Variants in IRF6 observed in about 807,000 individuals in gnomAD.
The protein encoded by IRF6 is Van der Woude syndrome.
A neutral mutation model predicts 51.4 loss-of-function variants in IRF6; 6 were observed. That is an observed-to-expected ratio of 0.12 (90% confidence interval 0.06 to 0.23). The LOEUF (loss-of-function observed/expected upper bound fraction) is 0.23, where lower values mean the gene tolerates loss of function less well. Among genes scored for constraint, IRF6 ranks in the 10% least tolerant of loss-of-function variants. The pLI is 1.00. For missense variants in IRF6, 348 were observed against 585.2 expected (o/e 0.59, Z 4.18); for synonymous variants, 178 against 215.7 (o/e 0.83, Z 1.53).
intron 6 of IRF6, among the ~76,000 whole-genome samples, chr1:209,791,544 T>G (rs2077869191): frequency 6.6e-6 from 1 of 152,192 alleles, no homozygotes; most frequent in African/African-American, 2.4e-5. Context: ...TTGAGATAAA[T>G]TCGTACCAAA....
Position 209,790,535 on chromosome 1 carries a change from T to C in IRF6, c.1020A>G (p.Gln340=), listed in dbSNP as rs768282175. The C allele has an allele frequency of 3.6e-5, 58 of 1,614,114 alleles. No homozygotes were observed. The highest frequency in any genetic ancestry group is 4.7e-5 in the Non-Finnish European group (56 of 1,180,048). Residue 340 remains glutamine (Q), a synonymous_variant, in exon 7 of 9, where the codon CAA becomes CAG. Coordinates refer to ENST00000367021, the MANE Select transcript of IRF6 (RefSeq NM_006147.4). The surrounding 1 kb of genome is among the most constrained non-coding windows in gnomAD (Gnocchi z 4.8). ...CCAGACAAAATAGCTTGACCTTCTT[T>C]TGTCTCTCAATCAGGTTGGGAGCAA... is the stretch of plus-strand genomic sequence containing the variant. ...SLVAPNLIER[Q]KKVKLFCLET... is the part of the protein sequence containing the mutation.
chr1:209,789,576 G>A, intron 8 of IRF6, 91 bp downstream of exon 8: 1 of 901,794 alleles, frequency 1.1e-6, no homozygotes, highest in East Asian at 2.4e-5. Context: ...TACATGGGCT[G>A]ATGGATGCTT....
intron 1 of IRF6, among the ~76,000 whole-genome samples, chr1:209,803,888 T>C (rs2077958591): frequency 6.6e-6 from 1 of 151,320 alleles, no homozygotes; most frequent in Non-Finnish European, 1.5e-5. Flanking sequence ...GGAAACAGCA[T>C]ACAACTTGAC....
Position 209,792,431 on chromosome 1 carries a change from A to C in IRF6, c.509-4T>G. On this transcript the variant is annotated splice_polypyrimidine_tract_variant and splice_region_variant and intron_variant, in intron 5 of 8. Transcript: ENST00000367021. ...CTGGCTGGCGCCATGGGAGAACCTA[A>C]AACAAAAGCATATGGTGAGCAGACA... 6.2e-7 allele frequency: 1 copy of C among 1,613,812 alleles called. No individual in the cohort carries two copies. The highest frequency in any genetic ancestry group is 1.1e-5 in the South Asian group (1 of 91,082).
chr1:209,789,565 C>A, intron 8 of IRF6, 102 bp downstream of exon 8: 3 of 853,094 alleles, frequency 3.5e-6, no homozygotes, highest in Middle Eastern at 2.2e-4. Flanking sequence ...AGACTGAAAC[C>A]TACATGGGCT....
chr1:209,800,349 T>G (rs1007518627), intron 3 of IRF6, among the ~76,000 whole-genome samples: 1 of 152,238 alleles, frequency 6.6e-6, no homozygotes, highest in African/African-American at 2.4e-5. Context: ...ATAAAATGAC[T>G]GTCATATCAG....
intron 1 of IRF6, among the ~76,000 whole-genome samples, chr1:209,805,045 G>A (rs529654309): frequency 6.6e-6 from 1 of 152,178 alleles, no homozygotes; most frequent in East Asian, 1.9e-4. Flanking sequence ...TGGAAGCTGG[G>A]GGATGGCGAA....
At chr1:209,805,723 C>G (rs369613691) in intron 1 of IRF6, among the ~76,000 whole-genome samples, 1 of 152,114 alleles carries the variant, frequency 6.6e-6, no homozygotes, top group East Asian at 1.9e-4. Flanking sequence ...AGAGTAGACA[C>G]AAGTGTAGAT....
At chr1:209,793,332 T>C (rs1390025551) in intron 5 of IRF6, 2 of 152,208 alleles carry the variant, frequency 1.3e-5, no homozygotes, top group Non-Finnish European at 2.9e-5. Flanking sequence ...GTTTTTAGTA[T>C]CTATTCTACA....
At chr1:209,805,037 G>A (rs1233313999) in intron 1 of IRF6, among the ~76,000 whole-genome samples, 2 of 152,122 alleles carry the variant, frequency 1.3e-5, no homozygotes, top group East Asian at 1.9e-4. Flanking sequence ...CTGCTGGATG[G>A]AAGCTGGGGG....
rs1571982746 is a variant in IRF6, at chr1:209,795,486, C to T, written c.380-68G>A. 3 of 1,607,178 alleles carry T rather than the reference C, an allele frequency of 1.9e-6. No individual in the cohort carries two copies. In the East Asian group the frequency reaches 6.7e-5, roughly 36 times the overall value. On this transcript the variant is annotated intron_variant, in intron 4 of 8. Coordinates refer to ENST00000367021, the MANE Select transcript of IRF6 (RefSeq NM_006147.4). ...CACTGCCACCCCTGCAGCTGACCCA[C>T]CATTCAAGCTAGGGACTGCTAGCCC...
chr1:209,792,539 C>T (rs1023874430), intron 5 of IRF6, 112 bp from the exon 6 acceptor site: 36 of 1,120,920 alleles, frequency 3.2e-5, no homozygotes, highest in Non-Finnish European at 4.2e-5. Context: ...TGAACCCTGA[C>T]CCAGTGTGAT....
At position 209,792,385 on chromosome 1, in the gene IRF6, C is replaced by T; in HGVS notation, c.551G>A (p.Gly184Asp). ...CCACACTGCCTCCGGGCTGCAGTTG[C>T]CCACACTGCAATTGCCCACACTGGC... ...APASVGNCSV[G>D]NCSPEAVWPK... Residue 184 changes from glycine (G) to aspartate (D), a missense_variant, in exon 6 of 9, where the codon GGC becomes GAC. Physicochemically the swap from Gly to Asp is moderately conservative, Grantham distance 94. Coordinates refer to ENST00000367021, the MANE Select transcript of IRF6 (RefSeq NM_006147.4). 3.7e-6 allele frequency: 6 copies of T among 1,614,192 alleles called. No homozygotes were observed. Among genetic ancestry groups the T allele is most frequent in the Non-Finnish European group, 4.2e-6 (5 of 1,180,022 alleles).
chr1:209,800,887 A>C (rs622832), intron 3 of IRF6, among the ~76,000 whole-genome samples: 121,542 of 152,156 alleles, frequency 0.8, 48,547 homozygotes, highest in Admixed American at 0.83. Flanking sequence ...GGCCCAAGCA[A>C]CTCTCTGCAT....
At chr1:209,797,184 A>T (rs2077907639) in intron 3 of IRF6, among the ~76,000 whole-genome samples, 1 of 152,044 alleles carries the variant, frequency 6.6e-6, no homozygotes, top group African/African-American at 2.4e-5. Flanking sequence ...CAGCCTGACC[A>T]ACGCGGAGAA....
At chr1:209,800,078 C>A (rs2077930154) in intron 3 of IRF6, among the ~76,000 whole-genome samples, 1 of 152,178 alleles carries the variant, frequency 6.6e-6, no homozygotes, top group African/African-American at 2.4e-5. Flanking sequence ...TCACTTGTGA[C>A]TTCTAGCTTA....
chr1:209,799,793 TG>T (rs2077928271), intron 3 of IRF6, among the ~76,000 whole-genome samples: 1 of 152,244 alleles, frequency 6.6e-6, no homozygotes, highest in African/African-American at 2.4e-5. Context: ...CTCCAATAAT[TG>T]GTGCTGGTTT....
chr1:209,798,908 CA>C (rs61182544), intron 3 of IRF6, among the ~76,000 whole-genome samples: 106 of 99,096 alleles, frequency 1.1e-3, no homozygotes, highest in African/African-American at 2.7e-3. Context: ...GACTCTGTCT[CA>C]AAAAAAAAAA....
intron 3 of IRF6, among the ~76,000 whole-genome samples, chr1:209,799,626 A>C (rs561756200): frequency 6.6e-6 from 1 of 152,344 alleles, no homozygotes; most frequent in Admixed American, 6.5e-5. Context: ...CCAAGCATGC[A>C]AGCCCAAAGC....
Sources: gnomAD v4.1 joint callset for allele counts (sites outside exome capture counted in the v4.1 genomes callset) on GRCh38, gnomAD v4.1.1 for gene constraint, Gnocchi (gnomAD v3.1) non-coding constraint, MANE v1.5 for transcripts, NCBI Gene and HGNC (gene_info 2026-07-23, HGNC 2026-07-21) for gene names.